SEMA3A: variants seen among roughly 807,000 people sequenced by gnomAD.
SEMA3A encodes the protein semaphorin-3A.
Under a neutral mutation model 97.9 loss-of-function variants are expected in SEMA3A, and 29 were observed. The observed-to-expected ratio is 0.30, with a 90% CI of 0.22 to 0.40. The LOEUF is 0.40. Ranked by LOEUF, SEMA3A falls within the 10% of genes least tolerant of loss-of-function variation. The probability of loss-of-function intolerance (pLI) is 1.00; values close to 1 mark genes in which losing one functional copy is unlikely to be tolerated. For synonymous variants in SEMA3A, 321 were observed against 323.7 expected (o/e 0.99, Z 0.09); for missense variants, 763 against 951.3 (o/e 0.80, Z 2.60).
At chr7:84,185,695 A>G in intron 1 of SEMA3A, among the ~76,000 whole-genome samples, 1 of 120,016 alleles carries the variant, frequency 8.3e-6, no homozygotes, top group African/African-American at 2.8e-5. Flanking sequence ...CTGGCAGGAA[A>G]AAAAAAAAAA....
rs148002532 is a variant in SEMA3A at position 83,986,991 on chromosome 7, C to G, written c.1453-1514G>C. On this transcript the variant is annotated intron_variant, in intron 12 of 16. Transcript: ENST00000265362. ...TCTTTCACACACACACACACACACC[C>G]ACACGCACACACACATGCATTTCCA... Among the ~76,000 whole-genome samples, 462 of 151,798 alleles carry G rather than the reference C, an allele frequency of 3.0e-3. 2 individuals carry two copies. The highest frequency in any genetic ancestry group is 0.01 in the African/African-American group (430 of 41,410).
chr7:84,011,824 C>T (rs1410860991), intron 7 of SEMA3A, among the ~76,000 whole-genome samples: 5 of 152,032 alleles, frequency 3.3e-5, no homozygotes. Context: ...AATTATTACA[C>T]ATTATATTCA....
chr7:84,026,466 A>G (rs1044676189), intron 6 of SEMA3A, among the ~76,000 whole-genome samples: 12 of 152,278 alleles, frequency 7.9e-5, no homozygotes, highest in Admixed American at 7.2e-4. Flanking sequence ...GCTTTGAACT[A>G]CCATGCAACC....
intron 1 of SEMA3A, among the ~76,000 whole-genome samples, chr7:84,416,258 T>C (rs553112267): frequency 2.6e-5 from 4 of 152,106 alleles, no homozygotes; most frequent in Non-Finnish European, 4.4e-5. Flanking sequence ...TCATGAGATC[T>C]GATGGGTGTA....
At chr7:84,206,320 A>ATTTT (rs532227830) in intron 3 of SEMA3A, among the ~76,000 whole-genome samples, 4 of 130,404 alleles carry the variant, frequency 3.1e-5, no homozygotes, top group African/African-American at 8.6e-5. Flanking sequence ...CCAAGATGGC[A>ATTTT]TTTTTTTTTT....
At chr7:84,037,727 T>A (rs1312500308) in intron 6 of SEMA3A, among the ~76,000 whole-genome samples, 1 of 152,076 alleles carries the variant, frequency 6.6e-6, no homozygotes, top group Non-Finnish European at 1.5e-5. Context: ...AAATTATGAT[T>A]TATTTTAAAA....
At chr7:84,239,651 A>G (rs1283336614) in intron 3 of SEMA3A, among the ~76,000 whole-genome samples, 3 of 152,198 alleles carry the variant, frequency 2.0e-5, no homozygotes, top group Non-Finnish European at 2.9e-5. Context: ...GGATCGTAAA[A>G]AAACAACTGT....
chr7:84,145,192 C>A (rs2116090406), intron 1 of SEMA3A, among the ~76,000 whole-genome samples: 1 of 152,206 alleles, frequency 6.6e-6, no homozygotes, highest in Non-Finnish European at 1.5e-5. Context: ...CCTGTGAATT[C>A]TTGACCTTCT....
intron 2 of SEMA3A, among the ~76,000 whole-genome samples, chr7:84,337,081 T>A (rs909411423): frequency 1.3e-5 from 2 of 152,070 alleles, no homozygotes; most frequent in African/African-American, 4.8e-5. Flanking sequence ...CTTAAACTCC[T>A]TAAGACTCAG....
Position 83,968,732 on chromosome 7 carries a change from T to C in SEMA3A, c.1718-5385A>G, listed in dbSNP as rs182368760. Among the ~76,000 whole-genome samples the C allele has an allele frequency of 3.3e-5, 5 of 152,048 alleles. No homozygotes were observed. The East Asian group carries it at 9.6e-4, about 29-fold the overall frequency. ...ACTCATCTTTTATATGTTAGATAGG[T>C]CATTTAGCAAATTTTAGACAGTGAA... On this transcript the variant is annotated intron_variant, in intron 15 of 16. Transcript: ENST00000265362.
upstream of SEMA3A, among the ~76,000 whole-genome samples, chr7:84,197,673 C>T (rs1482811792): frequency 1.3e-5 from 2 of 149,190 alleles, no homozygotes; most frequent in Non-Finnish European, 1.5e-5. Flanking sequence ...CAGAATCTAT[C>T]GGAATCTGGC....
chr7:84,310,529 A>G (rs996494702), intron 2 of SEMA3A, among the ~76,000 whole-genome samples: 2 of 152,142 alleles, frequency 1.3e-5, no homozygotes, highest in African/African-American at 4.8e-5. Flanking sequence ...TTACAAATAG[A>G]TGATAATTCT....
Position 84,021,941 on chromosome 7 carries a change from A to T in SEMA3A, c.668-7590T>A, listed in dbSNP as rs535584865. 1.6e-4 allele frequency among the ~76,000 whole-genome samples: 24 copies of T among 152,254 alleles called. No individual in the cohort carries two copies. The East Asian group carries it at 4.5e-3, about 28-fold the overall frequency. ...TTAAATTTGCTACTATTTCTGCAAG[A>T]TATTATACAATGGCAGGTTTTCAAA... On this transcript the variant is annotated intron_variant, in intron 6 of 16. Coordinates refer to ENST00000265362, the MANE Select transcript of SEMA3A (RefSeq NM_006080.3).
rs1185981541 is a variant in SEMA3A, at chr7:83,957,441, GT to G, written c.*3929del. ...AAAAGGCAAAGTGTCTAGAGGCCCA[GT>G]TTTTTAATATTCAAAATCTTCTTTT... On this transcript the variant is annotated 3_prime_UTR_variant, in exon 17 of 17. Coordinates refer to ENST00000265362, the MANE Select transcript of SEMA3A (RefSeq NM_006080.3). 6.6e-6 allele frequency: 1 copy of G among 152,026 alleles called. No individual in the cohort carries two copies. Among genetic ancestry groups the G allele is most frequent in the Admixed American group, 6.6e-5 (1 of 15,246 alleles). The allele number at this position is 152,026 out of a possible 1,614,324, so 9.4% of individuals were successfully genotyped here.
chr7:84,381,154 A>C (rs1420787193), intron 1 of SEMA3A, among the ~76,000 whole-genome samples: 1 of 152,122 alleles, frequency 6.6e-6, no homozygotes, highest in Non-Finnish European at 1.5e-5. Context: ...TGCCCTTTAC[A>C]CTTTATATTA....
intron 5 of SEMA3A, among the ~76,000 whole-genome samples, chr7:84,050,013 T>A (rs927821065): frequency 1.3e-5 from 2 of 151,396 alleles, no homozygotes; most frequent in African/African-American, 2.4e-5. Flanking sequence ...TGTTTTCCAG[T>A]TTCATCCATG....
chr7:84,093,658 G>A (rs1429361298), intron 4 of SEMA3A, among the ~76,000 whole-genome samples: 1 of 152,036 alleles, frequency 6.6e-6, no homozygotes, highest in African/African-American at 2.4e-5. Flanking sequence ...GACATGACTG[G>A]AGCTGAAAGC....
intron 1 of SEMA3A, among the ~76,000 whole-genome samples, chr7:84,180,679 C>T (rs901530191): frequency 4.6e-5 from 7 of 151,858 alleles, no homozygotes; most frequent in Non-Finnish European, 8.8e-5. Context: ...CAGAGCGAGA[C>T]GTCATCTCAA....
intron 1 of SEMA3A, among the ~76,000 whole-genome samples, chr7:84,457,353 T>C (rs1369720919): frequency 2.6e-5 from 4 of 151,910 alleles, no homozygotes; most frequent in South Asian, 2.1e-4. Flanking sequence ...AAAATCTACA[T>C]GCAGAGCAAA....
Sources: gnomAD v4.1 joint callset for allele counts (sites outside exome capture counted in the v4.1 genomes callset) on GRCh38, gnomAD v4.1.1 for gene constraint, MANE v1.5 for transcripts, NCBI Gene and HGNC (gene_info 2026-07-23, HGNC 2026-07-21) for gene names.